RAB3GAP1: variants seen among roughly 807,000 people sequenced by gnomAD.
The protein encoded by RAB3GAP1 is RAB3 GTPase activating protein catalytic subunit 1, also known as rab3 GTPase-activating protein catalytic subunit.
RAB3GAP1 carries 86 observed loss-of-function variants against 130.7 expected under a neutral mutation model. The observed-to-expected ratio is 0.66, with a 90% CI of 0.55 to 0.79. The LOEUF is 0.79. Ranked by LOEUF, RAB3GAP1 falls within the 30% of genes least tolerant of loss-of-function variation. The probability of loss-of-function intolerance (pLI) is 0.00; values close to 1 mark genes in which losing one functional copy is unlikely to be tolerated. For synonymous variants in RAB3GAP1, 367 were observed against 401.7 expected, an observed-to-expected ratio of 0.91 and a Z score of 1.03; for missense variants, 1,029 against 1,169.4, an observed-to-expected ratio of 0.88 and a Z score of 1.75.
At chr2:135,107,831 C>T (rs1322561771) in intron 5 of RAB3GAP1, among the ~76,000 whole-genome samples, 2 of 151,870 alleles carry the variant, frequency 1.3e-5, no homozygotes, top group Non-Finnish European at 2.9e-5. Flanking sequence ...AAAAATTAGC[C>T]AGGTGTGGTG....
chr2:135,114,863 A>G (rs981857737), intron 6 of RAB3GAP1, among the ~76,000 whole-genome samples: 1 of 152,220 alleles, frequency 6.6e-6, no homozygotes, highest in Non-Finnish European at 1.5e-5. Flanking sequence ...GGCTTAATTT[A>G]TATTGTTTAA....
chr2:135,086,756 C>T (rs1412559817), intron 3 of RAB3GAP1, among the ~76,000 whole-genome samples: 1 of 145,986 alleles, frequency 6.8e-6, no homozygotes, highest in Non-Finnish European at 1.5e-5. Flanking sequence ...TCACTGCAGC[C>T]TTAAACTCTT....
Position 135,052,331 on chromosome 2 carries a change from T to A in RAB3GAP1, c.18+6T>A. On this transcript the variant is annotated splice_donor_region_variant and intron_variant, in intron 1 of 23. Transcript: ENST00000264158. Reference sequence around the variant, plus strand: ...AGATGGCTGCCGACAGTGAGGTGATTTCTTTGCTCCCTACTTAATCCTTGT... The same window carrying A: ...AGATGGCTGCCGACAGTGAGGTGATATCTTTGCTCCCTACTTAATCCTTGT... The A allele has an allele frequency of 6.2e-7, 1 of 1,614,084 alleles. No individual in the cohort carries two copies. Among genetic ancestry groups the A allele is most frequent in the Non-Finnish European group, 8.5e-7 (1 of 1,180,016 alleles).
chr2:135,120,714 T>C, intron 7 of RAB3GAP1, 105 bp from the exon 8 acceptor site: 2 of 843,430 alleles, frequency 2.4e-6, no homozygotes, highest in Non-Finnish European at 4.2e-6. Context: ...CCAGGTTTCA[T>C]AAAGGTAGTA....
chr2:135,127,001 G>A (rs967985926), intron 11 of RAB3GAP1, among the ~76,000 whole-genome samples: 18 of 151,628 alleles, frequency 1.2e-4, no homozygotes, highest in Middle Eastern at 3.4e-3. Context: ...TCAGCCTCCC[G>A]AGTAGCTGGG....
intron 23 of RAB3GAP1, among the ~76,000 whole-genome samples, chr2:135,168,289 T>C (rs1268880772): frequency 2.0e-5 from 3 of 152,108 alleles, no homozygotes; most frequent in African/African-American, 7.2e-5. Context: ...AATATGGCCT[T>C]CTCTCTTCAG....
At chr2:135,130,233 C>G (rs953187018) in intron 12 of RAB3GAP1, 146 bp downstream of exon 12, 2 of 718,814 alleles carry the variant, frequency 2.8e-6, no homozygotes, top group South Asian at 3.5e-5. Flanking sequence ...CAGTTCCTTT[C>G]CAGGCTGTAC....
At chr2:135,093,776 A>G in intron 5 of RAB3GAP1, 83 bp downstream of exon 5, 3 of 1,083,526 alleles carry the variant, frequency 2.8e-6, no homozygotes, top group Middle Eastern at 2.0e-4. Context: ...GTGATTTGCT[A>G]AGAAGACTCA....
intron 19 of RAB3GAP1, among the ~76,000 whole-genome samples, chr2:135,161,033 A>G (rs947163246): frequency 2.0e-5 from 3 of 152,150 alleles, no homozygotes; most frequent in African/African-American, 7.2e-5. Context: ...ATTCCTGCAA[A>G]TTTGTTTTTC....
chr2:135,064,015 G>T (rs1160261964), intron 3 of RAB3GAP1, among the ~76,000 whole-genome samples: 1 of 152,128 alleles, frequency 6.6e-6, no homozygotes, highest in Non-Finnish European at 1.5e-5. Flanking sequence ...CTTCTATAAA[G>T]ATGTAGTTCC....
At position 135,115,244 on chromosome 2, in the gene RAB3GAP1, C is replaced by G; in HGVS notation, c.511C>G (p.His171Asp). 6.2e-7 allele frequency: 1 copy of G among 1,612,072 alleles called. No individual in the cohort carries two copies. The highest frequency in any genetic ancestry group is 1.3e-5 in the African/African-American group (1 of 75,012). Reference sequence around the variant, plus strand: ...GGTGCCACTCTTTGTGCAAATTCACCACAAATGGCGAAGAATGTATGTAGG... The same window carrying G: ...GGTGCCACTCTTTGTGCAAATTCACGACAAATGGCGAAGAATGTATGTAGG... ...CQVPLFVQIH[H>D]KWRRMYVGEC... Residue 171 changes from histidine (H) to aspartate (D), a missense_variant, in exon 7 of 24, where the codon CAC becomes GAC. Transcript: ENST00000264158.
At position 135,113,435 on chromosome 2, in the gene RAB3GAP1, A is replaced by G. The variant is rs146353442; in HGVS notation, c.482+165A>G. ...GAGGTTACCTCTGTATCCGCTCCCTATTTAAAGAACTGCTACCTAACTTAT... is the reference window on the plus strand; with the variant it reads ...GAGGTTACCTCTGTATCCGCTCCCTGTTTAAAGAACTGCTACCTAACTTAT... On this transcript the variant is annotated intron_variant, in intron 6 of 23. Transcript: ENST00000264158. Among the ~76,000 whole-genome samples the G allele has an allele frequency of 3.3e-5, 5 of 152,368 alleles. No individual in the cohort carries two copies. The East Asian group carries it at 5.8e-4, about 18-fold the overall frequency.
intron 5 of RAB3GAP1, among the ~76,000 whole-genome samples, chr2:135,112,220 G>T (rs1360543591): frequency 2.0e-5 from 3 of 152,202 alleles, no homozygotes; most frequent in Non-Finnish European, 4.4e-5. Context: ...GAAACCTACA[G>T]CCGATACTGC....
chr2:135,111,643 T>G (rs1263174964), intron 5 of RAB3GAP1, among the ~76,000 whole-genome samples: 1 of 152,244 alleles, frequency 6.6e-6, no homozygotes, highest in Non-Finnish European at 1.5e-5. Flanking sequence ...TTTCTTCATC[T>G]GCAGACTTAG....
At chr2:135,155,170 G>A (rs1037581427) in intron 19 of RAB3GAP1, among the ~76,000 whole-genome samples, 3 of 151,926 alleles carry the variant, frequency 2.0e-5, no homozygotes, top group Middle Eastern at 3.4e-3. Context: ...AACAGAGATG[G>A]ACCAAAAAAC....
Position 135,115,231 on chromosome 2 carries a change from T to C in RAB3GAP1, c.498T>C (p.Phe166=), listed in dbSNP as rs1690934836. 6.2e-7 allele frequency: 1 copy of C among 1,610,994 alleles called. No individual in the cohort carries two copies. Among genetic ancestry groups the C allele is most frequent in the Non-Finnish European group, 8.5e-7 (1 of 1,177,320 alleles). ...TGTCTTGCAGTCAGGTGCCACTCTT[T>C]GTGCAAATTCACCACAAATGGCGAA... ...LGNTGCQVPL[F]VQIHHKWRRM... is the part of the protein sequence containing the mutation. Residue 166 remains phenylalanine, a synonymous_variant, in exon 7 of 24, where the codon TTT becomes TTC. Coordinates refer to ENST00000264158, the MANE Select transcript of RAB3GAP1 (RefSeq NM_012233.3).
intron 5 of RAB3GAP1, among the ~76,000 whole-genome samples, chr2:135,105,953 C>T (rs1054738799): frequency 2.6e-5 from 4 of 151,170 alleles, no homozygotes; most frequent in South Asian, 4.2e-4. Flanking sequence ...CCCCTCCGCT[C>T]GGCAGCCGCC....
chr2:135,070,569 G>A (rs575838210), intron 3 of RAB3GAP1, among the ~76,000 whole-genome samples: 95 of 152,122 alleles, frequency 6.2e-4, no homozygotes, highest in African/African-American at 1.9e-3. Flanking sequence ...GTGCAGTGGC[G>A]CAATCTCGGC....
At chr2:135,066,807 A>G (rs967346631) in intron 3 of RAB3GAP1, among the ~76,000 whole-genome samples, 12 of 152,286 alleles carry the variant, frequency 7.9e-5, no homozygotes, top group African/African-American at 2.9e-4. Context: ...TTAGCTAGCA[A>G]AAATTTTAAG....
Sources: allele counts gnomAD v4.1 joint callset (sites outside exome capture counted in the v4.1 genomes callset), GRCh38; gene constraint gnomAD v4.1.1; transcripts MANE v1.5; gene names NCBI Gene and HGNC (gene_info 2026-07-23, HGNC 2026-07-21).